Variants in PTPRM observed in about 807,000 individuals in gnomAD.
PTPRM encodes the protein protein tyrosine phosphatase receptor type M.
A neutral mutation model predicts 186.7 loss-of-function variants in PTPRM; 47 were observed. The observed-to-expected ratio is 0.25, with a 90% CI of 0.20 to 0.32. The LOEUF (loss-of-function observed/expected upper bound fraction) is 0.32. Ranked by LOEUF, PTPRM falls within the 10% of genes least tolerant of loss-of-function variation. PTPRM has a pLI of 1.00. For missense variants in PTPRM, 1,494 were observed against 1,865.0 expected (o/e 0.80, Z 3.66); for synonymous variants, 668 against 674.9 (o/e 0.99, Z 0.16).
chr18:8,125,168 C>T (rs1353212411), intron 13 of PTPRM, among the ~76,000 whole-genome samples: 8 of 150,218 alleles, frequency 5.3e-5, no homozygotes, highest in African/African-American at 2.0e-4. Flanking sequence ...TGAGATCAAG[C>T]TACTGCACTC....
chr18:8,365,256 A>C, intron 23 of PTPRM, among the ~76,000 whole-genome samples: 1 of 152,202 alleles, frequency 6.6e-6, no homozygotes, highest in South Asian at 2.1e-4. Flanking sequence ...TATTGCCTTG[A>C]GCAAGCCACT....
rs551413582 is a variant in PTPRM, at chr18:8,112,512, T to A, written c.1857-974T>A. ...CCTTTCTGATACTGTAAGAAAAAGA[T>A]CCCTCTTCCTGCCAGAGGACTTAAA... On this transcript the variant is annotated intron_variant, in intron 11 of 32. Coordinates refer to ENST00000580170, the MANE Select transcript of PTPRM (RefSeq NM_001105244.2). 1.3e-3 allele frequency among the ~76,000 whole-genome samples: 197 copies of A among 152,336 alleles called. 1 individual carries two copies. Among genetic ancestry groups the A allele is most frequent in the South Asian group, 3.9e-3 (19 of 4,826 alleles).
rs1156606630 is a variant in PTPRM at position 8,390,398 on chromosome 18, TAAAAG to T, written c.4208+3167_4208+3171del. ...TAAACAGGACACAGAACAATAGCCT[TAAAAG>T]AAATATTGACAACGTGGACTTTCAT... On this transcript the variant is annotated intron_variant, in intron 31 of 32. Coordinates refer to ENST00000580170, the MANE Select transcript of PTPRM (RefSeq NM_001105244.2). Among the ~76,000 whole-genome samples the T allele has an allele frequency of 4.6e-5, 7 of 152,306 alleles. No homozygotes were observed. The East Asian group carries it at 1.2e-3, about 25-fold the overall frequency.
intron 7 of PTPRM, among the ~76,000 whole-genome samples, chr18:7,998,675 G>A (rs2083688492): frequency 6.6e-6 from 1 of 151,596 alleles, no homozygotes; most frequent in Admixed American, 6.6e-5. Flanking sequence ...ATGTTTTTTT[G>A]AGACAATCTT....
At chr18:7,891,882 GA>G (rs926519771) in intron 3 of PTPRM, among the ~76,000 whole-genome samples, 1 of 150,884 alleles carries the variant, frequency 6.6e-6, no homozygotes, top group Non-Finnish European at 1.5e-5. Flanking sequence ...CTCAAAAAAG[GA>G]AAAAAAAAGA....
chr18:8,068,512 C>T (rs1272518541), intron 7 of PTPRM, among the ~76,000 whole-genome samples: 1 of 152,116 alleles, frequency 6.6e-6, no homozygotes, highest in African/African-American at 2.4e-5. Context: ...TTAAATTATG[C>T]AAAAATGCTT....
At chr18:7,740,360 A>G (rs2040862195) in intron 1 of PTPRM, among the ~76,000 whole-genome samples, 1 of 152,238 alleles carries the variant, frequency 6.6e-6, no homozygotes, top group African/African-American at 2.4e-5. Context: ...ACCTGGGGGC[A>G]TAAATGCAAG....
At chr18:8,102,632 C>T (rs1022022120) in intron 11 of PTPRM, among the ~76,000 whole-genome samples, 1 of 152,190 alleles carries the variant, frequency 6.6e-6, no homozygotes, top group African/African-American at 2.4e-5. Flanking sequence ...GTTCTTTCCA[C>T]CACATCTGAG....
At chr18:7,975,091 A>G (rs1411925947) in intron 7 of PTPRM, among the ~76,000 whole-genome samples, 1 of 152,226 alleles carries the variant, frequency 6.6e-6, no homozygotes, top group Non-Finnish European at 1.5e-5. Context: ...TAGAATGGCC[A>G]AAATTCAGAA....
At chr18:7,790,324 G>A (rs889913517) in intron 2 of PTPRM, among the ~76,000 whole-genome samples, 1 of 152,166 alleles carries the variant, frequency 6.6e-6, no homozygotes, top group Non-Finnish European at 1.5e-5. Context: ...AGCTCCAGGG[G>A]AGCACGTTTA....
intron 19 of PTPRM, among the ~76,000 whole-genome samples, chr18:8,276,025 G>A (rs552637569): frequency 4.6e-5 from 7 of 151,920 alleles, no homozygotes; most frequent in South Asian, 4.2e-4. Flanking sequence ...TCAATTCCAC[G>A]CCACTGTCTT....
intron 20 of PTPRM, among the ~76,000 whole-genome samples, chr18:8,312,891 G>T (rs890693106): frequency 6.6e-6 from 1 of 152,216 alleles, no homozygotes; most frequent in African/African-American, 2.4e-5. Context: ...GTGACTACCT[G>T]TCATGAAGTG....
intron 19 of PTPRM, among the ~76,000 whole-genome samples, chr18:8,273,290 A>G (rs2094794418): frequency 1.3e-5 from 2 of 152,088 alleles, no homozygotes; most frequent in Admixed American, 6.6e-5. Flanking sequence ...TTTCTTCCCT[A>G]TATAGGAAGT....
At chr18:7,821,504 C>T (rs2045193034) in intron 2 of PTPRM, among the ~76,000 whole-genome samples, 1 of 151,544 alleles carries the variant, frequency 6.6e-6, no homozygotes, top group Admixed American at 6.6e-5. Context: ...GTTCCAAGTC[C>T]CCTAGTGGAT....
At chr18:8,238,037 C>G (rs918761963) in intron 14 of PTPRM, among the ~76,000 whole-genome samples, 1 of 149,260 alleles carries the variant, frequency 6.7e-6, no homozygotes, top group Admixed American at 6.7e-5. Flanking sequence ...ATTTATCCTG[C>G]TTGGTGTTCT....
intron 23 of PTPRM, among the ~76,000 whole-genome samples, chr18:8,344,365 A>G (rs1431832130): frequency 1.3e-5 from 2 of 151,432 alleles, no homozygotes; most frequent in Admixed American, 1.3e-4. Flanking sequence ...TCTCATAATG[A>G]GAATATTCAG....
chr18:8,292,119 G>A (rs2095049492), intron 19 of PTPRM, among the ~76,000 whole-genome samples: 1 of 152,148 alleles, frequency 6.6e-6, no homozygotes, highest in Admixed American at 6.5e-5. Flanking sequence ...CCATATCATG[G>A]CTTCTCTGAA....
chr18:8,269,787 G>C (rs1484875331), intron 19 of PTPRM, among the ~76,000 whole-genome samples: 4 of 151,980 alleles, frequency 2.6e-5, no homozygotes, highest in Non-Finnish European at 5.9e-5. Context: ...GATGGGGAAA[G>C]GATAATCTCT....
In PTPRM at chr18:7,911,316, G is replaced by A. The variant is rs73379949; in HGVS notation, c.547+4733G>A. On this transcript the variant is annotated intron_variant, in intron 4 of 32. Coordinates refer to ENST00000580170, the MANE Select transcript of PTPRM (RefSeq NM_001105244.2). Reference sequence around the variant, plus strand: ...ATTGCTGGGTAGCATTTGAAGAACTGTGAAATTGTTTTTTAAATTGGCTGC... The same window carrying A: ...ATTGCTGGGTAGCATTTGAAGAACTATGAAATTGTTTTTTAAATTGGCTGC... Among the ~76,000 whole-genome samples, 328 of 152,298 alleles carry A rather than the reference G, an allele frequency of 2.2e-3. 2 individuals are homozygous for A. The highest frequency in any genetic ancestry group is 7.3e-3 in the African/African-American group (305 of 41,562).
Sources: gnomAD v4.1 joint callset for allele counts (sites outside exome capture counted in the v4.1 genomes callset) on GRCh38, gnomAD v4.1.1 for gene constraint, MANE v1.5 for transcripts, NCBI Gene and HGNC (gene_info 2026-07-23, HGNC 2026-07-21) for gene names.